The following SPAG16 variants were observed in gnomAD, a reference collection of about 807,000 sequenced individuals.
SPAG16 encodes the protein sperm associated antigen 16.
A neutral mutation model predicts 80.4 loss-of-function variants in SPAG16; 86 were observed. That is an observed-to-expected ratio of 1.07 (90% CI 0.90 to 1.28). SPAG16 has a LOEUF of 1.28. Ranked by LOEUF, SPAG16 falls within the 50% of genes most tolerant of loss-of-function variation. The pLI is 0.00. For synonymous variants in SPAG16, 294 were observed against 265.9 expected (o/e 1.11, Z -1.03); for missense variants, 870 against 765.3 (o/e 1.14, Z -1.61).
chr2:213,422,452 C>T lies in SPAG16; in HGVS notation c.942+47333C>T. 4 of 591,040 alleles carry T rather than the reference C, an allele frequency of 6.8e-6. No individual in the cohort carries two copies. The South Asian group carries it at 8.1e-5, about 12-fold the overall frequency. 36.6% of individuals were successfully genotyped at this position (591,040 alleles called of 1,614,324 possible). A position where few individuals can be genotyped will look rare whatever the true frequency, so the allele number is the denominator to read the frequency against. ...TCTCACTTGCTCACACACCCCTCAC[C>T]TCTCTGCTCCTGGCTTGCCTTTGGC... On this transcript the variant is annotated intron_variant, in intron 9 of 15. Transcript: ENST00000331683.
intron 13 of SPAG16, among the ~76,000 whole-genome samples, chr2:214,055,804 C>A (rs2049906371): frequency 6.6e-6 from 1 of 152,120 alleles, no homozygotes; most frequent in South Asian, 2.1e-4. Flanking sequence ...TATATTGGAG[C>A]ACATTTCTTG....
At chr2:213,827,407 A>AT (rs1553639362) in intron 10 of SPAG16, among the ~76,000 whole-genome samples, 1 of 152,094 alleles carries the variant, frequency 6.6e-6, no homozygotes, top group East Asian at 1.9e-4. Context: ...TTTTAAACTA[A>AT]TGACAACTTG....
intron 10 of SPAG16, among the ~76,000 whole-genome samples, chr2:213,616,053 G>A (rs1850131): frequency 0.27 from 40,608 of 152,062 alleles, 6,348 homozygotes; most frequent in Middle Eastern, 0.41. Context: ...AGAACTTAAA[G>A]TATGATAATA....
chr2:214,312,696 A>G (rs1204117376), intron 15 of SPAG16, among the ~76,000 whole-genome samples: 1 of 152,160 alleles, frequency 6.6e-6, no homozygotes, highest in Admixed American at 6.5e-5. Flanking sequence ...GGGGAGCACA[A>G]GGCATTGGGT....
intron 15 of SPAG16, among the ~76,000 whole-genome samples, chr2:214,325,863 C>A (rs889506769): frequency 2.4e-4 from 36 of 152,094 alleles, no homozygotes; most frequent in African/African-American, 8.2e-4. Context: ...AAAGTAACTT[C>A]CATTTTTGTA....
intron 10 of SPAG16, among the ~76,000 whole-genome samples, chr2:213,740,355 A>G (rs2067489896): frequency 6.6e-6 from 1 of 152,214 alleles, no homozygotes; most frequent in Non-Finnish European, 1.5e-5. Context: ...ACTGTAAAGA[A>G]AGGTTGATGT....
At chr2:214,177,809 G>T (rs13023113) in intron 15 of SPAG16, among the ~76,000 whole-genome samples, 3 of 146,876 alleles carry the variant, frequency 2.0e-5, no homozygotes, top group Non-Finnish European at 4.5e-5. Flanking sequence ...AAAACCATAA[G>T]TTTGTTCCTA....
chr2:214,085,313 G>A (rs1241980692), intron 13 of SPAG16, among the ~76,000 whole-genome samples: 10 of 151,088 alleles, frequency 6.6e-5, no homozygotes, highest in Middle Eastern at 3.2e-3. Context: ...CGGAGGCTGC[G>A]GTGATCCAAG....
chr2:213,404,767 T>G (rs1483643147), intron 9 of SPAG16, among the ~76,000 whole-genome samples: 1 of 152,216 alleles, frequency 6.6e-6, no homozygotes, highest in African/African-American at 2.4e-5. Flanking sequence ...ATGTTAAATC[T>G]TTTTACAAAT....
At chr2:214,216,146 A>T (rs1047048348) in intron 15 of SPAG16, among the ~76,000 whole-genome samples, 1 of 152,198 alleles carries the variant, frequency 6.6e-6, no homozygotes, top group African/African-American at 2.4e-5. Context: ...CATTTTATGA[A>T]TGGATATTGA....
At chr2:213,457,868 C>T (rs2072128419) in intron 9 of SPAG16, among the ~76,000 whole-genome samples, 1 of 150,328 alleles carries the variant, frequency 6.7e-6, no homozygotes, top group Admixed American at 6.6e-5. Flanking sequence ...TTTATTATTC[C>T]CTCTTCTTTT....
Position 213,350,511 on chromosome 2 carries a change from G to T in SPAG16, c.645-17G>T. 7.1e-7 allele frequency: 1 copy of T among 1,412,974 alleles called. No individual in the cohort carries two copies. Among genetic ancestry groups the T allele is most frequent in the Non-Finnish European group, 9.6e-7 (1 of 1,037,382 alleles). The allele number at this position is 1,412,974 out of a possible 1,614,324, so 87.5% of individuals were successfully genotyped here. On this transcript the variant is annotated splice_polypyrimidine_tract_variant and intron_variant, in intron 6 of 15. Coordinates refer to ENST00000331683, the MANE Select transcript of SPAG16 (RefSeq NM_024532.5). ...CTCAATAACCCCTTAAGATGCTATT[G>T]ACTTTATTTTTTATAGGTTGAAGTT...
chr2:214,032,799 C>A (rs2048481898), intron 13 of SPAG16, among the ~76,000 whole-genome samples: 1 of 152,136 alleles, frequency 6.6e-6, no homozygotes, highest in Non-Finnish European at 1.5e-5. Context: ...GTGTTTCTGG[C>A]TTGGAAAAGT....
At chr2:213,591,859 G>T (rs2060704466) in intron 10 of SPAG16, among the ~76,000 whole-genome samples, 1 of 152,124 alleles carries the variant, frequency 6.6e-6, no homozygotes, top group Non-Finnish European at 1.5e-5. Context: ...TATGGTGGAG[G>T]ATGAGGAACC....
intron 10 of SPAG16, among the ~76,000 whole-genome samples, chr2:213,812,213 CA>C (rs2072204057): frequency 6.6e-6 from 1 of 151,934 alleles, no homozygotes; most frequent in African/African-American, 2.4e-5. Context: ...GGCAAAGTAC[CA>C]GAGAAAAAGA....
intron 10 of SPAG16, among the ~76,000 whole-genome samples, chr2:213,607,989 C>T (rs2061321970): frequency 6.6e-6 from 1 of 152,064 alleles, no homozygotes; most frequent in African/African-American, 2.4e-5. Context: ...TAACTGTGAT[C>T]CTTTATAGTG....
At chr2:213,840,424 C>T (rs1416708604) in intron 10 of SPAG16, among the ~76,000 whole-genome samples, 1 of 152,126 alleles carries the variant, frequency 6.6e-6, no homozygotes, top group African/African-American at 2.4e-5. Flanking sequence ...CAAACTCTGA[C>T]ATTAGTTTCC....
At chr2:213,431,019 G>C (rs1559125878) in intron 9 of SPAG16, among the ~76,000 whole-genome samples, 1 of 152,090 alleles carries the variant, frequency 6.6e-6, no homozygotes, top group Non-Finnish European at 1.5e-5. Flanking sequence ...TCTCAGACAA[G>C]CAAACACTGA....
At chr2:214,116,539 A>T (rs2053943746) in intron 14 of SPAG16, among the ~76,000 whole-genome samples, 1 of 152,170 alleles carries the variant, frequency 6.6e-6, no homozygotes, top group Admixed American at 6.5e-5. Flanking sequence ...CACACAGCAG[A>T]TCCTGAGAGG....
Sources: gnomAD v4.1 joint callset for allele counts (sites outside exome capture counted in the v4.1 genomes callset) on GRCh38, gnomAD v4.1.1 for gene constraint, MANE v1.5 for transcripts, NCBI Gene and HGNC (gene_info 2026-07-23, HGNC 2026-07-21) for gene names.